GALNT14: variants seen among roughly 807,000 people sequenced by gnomAD.
The protein encoded by GALNT14 is UDP-GalNAc:polypeptide N-acetylgalactosaminyltransferase 14.
Under a neutral mutation model 77.5 loss-of-function variants are expected in GALNT14, and 60 were observed. That is an observed-to-expected ratio of 0.77 (90% confidence interval 0.63 to 0.96). GALNT14 has a LOEUF of 0.96. GALNT14 is among the 40% of genes least tolerant of loss of function. GALNT14 has a pLI of 0.00. For synonymous variants in GALNT14, 280 were observed against 281.7 expected (o/e 0.99, Z 0.06); for missense variants, 710 against 731.0 (o/e 0.97, Z 0.33).
chr2:30,970,129 C>A (rs939112210), intron 2 of GALNT14, among the ~76,000 whole-genome samples: 1 of 152,148 alleles, frequency 6.6e-6, no homozygotes, highest in African/African-American at 2.4e-5. Flanking sequence ...CTGCAGACGA[C>A]TCTGCCTGCT....
intron 1 of GALNT14, among the ~76,000 whole-genome samples, chr2:31,063,440 C>T (rs970688014): frequency 2.0e-5 from 3 of 152,112 alleles, no homozygotes; most frequent in Admixed American, 6.6e-5. Flanking sequence ...GGTGCCGGTA[C>T]CATGCTGATT....
intron 1 of GALNT14, among the ~76,000 whole-genome samples, chr2:31,017,456 C>T (rs569923005): frequency 6.6e-6 from 1 of 152,242 alleles, no homozygotes; most frequent in South Asian, 2.1e-4. Flanking sequence ...ATTTAAATTT[C>T]CTACTGAGAA....
chr2:31,118,622 A>C (rs1678234355), intron 1 of GALNT14, among the ~76,000 whole-genome samples: 2 of 152,190 alleles, frequency 1.3e-5, no homozygotes, highest in South Asian at 4.1e-4. Flanking sequence ...TAAATAATGA[A>C]CACTAAAGCC....
chr2:31,023,440 T>C (rs1020268778), intron 1 of GALNT14, among the ~76,000 whole-genome samples: 1 of 152,082 alleles, frequency 6.6e-6, no homozygotes, highest in Non-Finnish European at 1.5e-5. Context: ...TTAGCATACA[T>C]GCGGTGAATT....
intron 1 of GALNT14, among the ~76,000 whole-genome samples, chr2:31,013,467 C>G (rs1671162712): frequency 6.6e-6 from 1 of 152,212 alleles, no homozygotes; most frequent in South Asian, 2.1e-4. Flanking sequence ...AAATGTTCAG[C>G]TGACCTCAAA....
At chr2:31,106,316 T>G (rs1396279235) in intron 1 of GALNT14, among the ~76,000 whole-genome samples, 1 of 152,204 alleles carries the variant, frequency 6.6e-6, no homozygotes, top group Non-Finnish European at 1.5e-5. Flanking sequence ...TATTTTTTGT[T>G]TTCTTTCAAG....
chr2:30,911,122 T>A, intron 14 of GALNT14, 63 bp from the exon 15 acceptor site: 1 of 1,528,854 alleles, frequency 6.5e-7, no homozygotes, highest in Non-Finnish European at 9.0e-7. Flanking sequence ...AGTTCCAGCT[T>A]TATCAGAAAG....
chr2:30,927,269 C>G (rs988298948), intron 11 of GALNT14, among the ~76,000 whole-genome samples: 1 of 152,130 alleles, frequency 6.6e-6, no homozygotes, highest in South Asian at 2.1e-4. Flanking sequence ...TTGAAACTCC[C>G]CAGGGAACTC....
intron 1 of GALNT14, among the ~76,000 whole-genome samples, chr2:31,018,974 G>A (rs79866311): frequency 8.3e-4 from 127 of 152,264 alleles, no homozygotes; most frequent in African/African-American, 2.1e-3. Flanking sequence ...AAATGACAGC[G>A]TGAAGGGGGC....
intron 1 of GALNT14, among the ~76,000 whole-genome samples, chr2:31,088,369 T>C (rs985114333): frequency 2.6e-5 from 4 of 152,194 alleles, no homozygotes; most frequent in Non-Finnish European, 1.5e-5. Flanking sequence ...GTATGTCCCA[T>C]CTCACTGATG....
At chr2:31,099,102 G>T (rs928294608) in intron 1 of GALNT14, among the ~76,000 whole-genome samples, 1 of 152,058 alleles carries the variant, frequency 6.6e-6, no homozygotes, top group South Asian at 2.1e-4. Flanking sequence ...ATATAAGTTA[G>T]TATAGAATAC....
chr2:30,955,800 A>C (rs748345925), intron 5 of GALNT14, 61 bp from the exon 6 acceptor site: 76 of 1,609,866 alleles, frequency 4.7e-5, no homozygotes, highest in Non-Finnish European at 6.2e-5. Flanking sequence ...CAGCGAGACC[A>C]GGGAGAAGCC....
chr2:30,945,749 T>A (rs774483080), intron 7 of GALNT14, 34 bp downstream of exon 7: 1 of 1,545,848 alleles, frequency 6.5e-7, no homozygotes, highest in East Asian at 2.2e-5. Context: ...GAAAAGAAAA[T>A]CCTTACTGGG....
Position 31,138,239 on chromosome 2 carries a change from G to T in GALNT14, c.-153C>A. The T allele has an allele frequency of 2.2e-6, 2 of 915,292 alleles. No individual in the cohort carries two copies. The highest frequency in any genetic ancestry group is 3.3e-6 in the Non-Finnish European group (2 of 613,404). 56.7% of individuals were successfully genotyped at this position (915,292 alleles called of 1,614,324 possible). ...GAGGGGCGGCAGGATCCTGCAAGGC[G>T]CCCTTCCCGCTTCGAAGAGAAGCGA... is the stretch of plus-strand genomic sequence containing the variant. On this transcript the variant is annotated 5_prime_UTR_variant, in exon 1 of 15. Transcript: ENST00000349752.
intron 3 of GALNT14, among the ~76,000 whole-genome samples, chr2:30,964,503 C>T (rs922687532): frequency 3.3e-5 from 5 of 152,188 alleles, no homozygotes; most frequent in Admixed American, 6.5e-5. Context: ...CCGAGACTCC[C>T]GGTGACACCT....
the GALNT14 span, among the ~76,000 whole-genome samples, chr2:30,900,899 A>C: frequency 1.3e-5 from 2 of 152,140 alleles, no homozygotes; most frequent in Non-Finnish European, 2.9e-5. Flanking sequence ...CTATCGTTGT[A>C]TGTTTAGAGA....
downstream of GALNT14, among the ~76,000 whole-genome samples, chr2:30,906,420 T>C (rs1329737021): frequency 6.7e-6 from 1 of 148,484 alleles, no homozygotes; most frequent in Non-Finnish European, 1.5e-5. Flanking sequence ...TAGTCTCTGA[T>C]AAAACAGACT....
rs373084741 is a variant in GALNT14, at chr2:31,007,122, G to T, written c.130-14115C>A. 2.1e-4 allele frequency among the ~76,000 whole-genome samples: 32 copies of T among 152,278 alleles called. No homozygotes were observed. The East Asian group carries it at 5.2e-3, about 25-fold the overall frequency. ...TTTTAATAGAAAGGACTCTTTTTAT[G>T]TCAAAAGCAGACCCCGAGTATCCAG... On this transcript the variant is annotated intron_variant, in intron 1 of 14. Coordinates refer to ENST00000349752, the MANE Select transcript of GALNT14 (RefSeq NM_024572.4).
chr2:30,995,277 T>G lies in GALNT14; in HGVS notation c.130-2270A>C, dbSNP rs552192491. Among the ~76,000 whole-genome samples the G allele has an allele frequency of 4.1e-3, 630 of 152,236 alleles. 6 individuals are homozygous for G. Among genetic ancestry groups the G allele is most frequent in the African/African-American group, 0.015 (611 of 41,530 alleles). On this transcript the variant is annotated intron_variant, in intron 1 of 14. Transcript: ENST00000349752. Reference sequence around the variant, plus strand: ...TCCCATATGATTATAATACTGTATGTTCGCTGTACCTTTTCTGTTTTGATA... The same window carrying G: ...TCCCATATGATTATAATACTGTATGGTCGCTGTACCTTTTCTGTTTTGATA...
Sources: allele counts gnomAD v4.1 joint callset (sites outside exome capture counted in the v4.1 genomes callset), GRCh38; gene constraint gnomAD v4.1.1; transcripts MANE v1.5; gene names NCBI Gene and HGNC (gene_info 2026-07-23, HGNC 2026-07-21).